Variants in SLC2A13 observed in about 807,000 individuals in gnomAD.
SLC2A13 encodes the protein solute carrier family 2 member 13, also known as proton myo-inositol cotransporter.
A neutral mutation model predicts 64.4 loss-of-function variants in SLC2A13; 32 were observed. The observed-to-expected ratio is 0.50, with a 90% CI of 0.37 to 0.67. The LOEUF (loss-of-function observed/expected upper bound fraction) is 0.67, where lower values mean the gene tolerates loss of function less well. Among genes scored for constraint, SLC2A13 ranks in the 30% least tolerant of loss-of-function variants. The pLI, the probability that SLC2A13 is intolerant of heterozygous loss-of-function variation, is 0.00. For synonymous variants in SLC2A13, 338 were observed against 327.1 expected, an observed-to-expected ratio of 1.03 and a Z score of -0.36; for missense variants, 743 against 829.2, an observed-to-expected ratio of 0.90 and a Z score of 1.28.
At chr12:39,933,720 G>A (rs57535237) in intron 4 of SLC2A13, among the ~76,000 whole-genome samples, 19,832 of 152,182 alleles carry the variant, frequency 0.13, 1,357 homozygotes, top group South Asian at 0.24. Flanking sequence ...TAGATATGAG[G>A]AGTACAGATA....
chr12:40,042,696 G>A (rs1383030611), intron 2 of SLC2A13, among the ~76,000 whole-genome samples: 1 of 152,030 alleles, frequency 6.6e-6, no homozygotes, highest in Non-Finnish European at 1.5e-5. Context: ...ACTATGTTCT[G>A]CGCCCTTCCT....
rs1945272968 is a variant in SLC2A13 at position 39,906,135 on chromosome 12, TG to T, written c.1035-34175del. Among the ~76,000 whole-genome samples, 6 of 986 alleles carry T rather than the reference TG, an allele frequency of 6.1e-3. No individual in the cohort carries two copies. The South Asian group carries it at 0.21, about 34-fold the overall frequency. 0.6% of individuals were successfully genotyped at this position (986 alleles called of 152,430 possible). A position where few individuals can be genotyped will look rare whatever the true frequency, so the allele number is the denominator to read the frequency against. ...TCTAATTCTTGCAGATACAGAACTT[TG>T]AACTTTGTTTTCAACTGAGTTCATC... On this transcript the variant is annotated intron_variant, in intron 4 of 9. Transcript: ENST00000280871.
At chr12:39,871,500 T>C (rs1236371465) in intron 5 of SLC2A13, among the ~76,000 whole-genome samples, 1 of 151,926 alleles carries the variant, frequency 6.6e-6, no homozygotes, top group Non-Finnish European at 1.5e-5. Context: ...AAAAAACAAT[T>C]ATTTTTTTTC....
At position 39,764,611 on chromosome 12, in the gene SLC2A13, T is replaced by A; in HGVS notation, c.1569A>T (p.Gly523=). The A allele has an allele frequency of 1.3e-6, 2 of 1,586,984 alleles. No homozygotes were observed. The highest frequency in any genetic ancestry group is 1.7e-6 in the Non-Finnish European group (2 of 1,171,840). ...TCACAGTCCAAGGCATTGGTCCCAT[T>A]CCTGAGAAATAAAACATTAAAAACT... ...LILYLVFFAP[G]MGPMPWTVNS... The change falls in exon 9 of 10, where the codon GGA becomes GGT. Residue 523 remains glycine, a splice_region_variant and synonymous_variant. Coordinates refer to ENST00000280871, the MANE Select transcript of SLC2A13 (RefSeq NM_052885.4).
intron 3 of SLC2A13, among the ~76,000 whole-genome samples, chr12:39,997,320 A>C (rs1055544876): frequency 6.6e-6 from 1 of 152,198 alleles, no homozygotes; most frequent in Non-Finnish European, 1.5e-5. Flanking sequence ...TCCTGAAATA[A>C]TTGGCTAGCC....
rs774864576 is a variant in SLC2A13, at chr12:40,105,674, G to C, written c.135C>G (p.Ala45=). Residue 45 remains alanine, a synonymous_variant, in exon 1 of 10, where the codon GCC becomes GCG. Transcript: ENST00000280871. The surrounding 1 kb of genome is among the most constrained non-coding windows in gnomAD (Gnocchi z 4.2). Reference sequence around the variant, plus strand: ...CGCTCTGCAGGCTGGTGCTCGATTCGGCGGCAGCCAGGAGGCTGCACTCCC... The same window carrying C: ...CGCTCTGCAGGCTGGTGCTCGATTCCGCGGCAGCCAGGAGGCTGCACTCCC... The part of the protein sequence containing the change: ...AAGECSLLAA[A]ESSTSLQSAG... The C allele has an allele frequency of 2.0e-6, 3 of 1,490,890 alleles. No homozygotes were observed. The highest frequency in any genetic ancestry group is 4.7e-5 in the Admixed American group (2 of 42,160). The allele number at this position is 1,490,890 out of a possible 1,614,324, so 92.4% of individuals were successfully genotyped here. A position where few individuals can be genotyped will look rare whatever the true frequency, so the allele number is the denominator to read the frequency against.
At position 39,975,348 on chromosome 12, in the gene SLC2A13, A is replaced by G. The variant is rs1946740546; in HGVS notation, c.926-23983T>C. Among the ~76,000 whole-genome samples the G allele has an allele frequency of 2.0e-5, 3 of 152,378 alleles. No individual in the cohort carries two copies. In the South Asian group the frequency reaches 6.2e-4, roughly 32 times the overall value. On this transcript the variant is annotated intron_variant, in intron 3 of 9. Transcript: ENST00000280871. ...TCTTCCCTAATAGTAGACCAACTAAATATTTTAACTACGTACATTCTTTTA... is the reference window on the plus strand; with the variant it reads ...TCTTCCCTAATAGTAGACCAACTAAGTATTTTAACTACGTACATTCTTTTA...
At chr12:39,808,667 TTTAATGA>T (rs1942052174) in intron 7 of SLC2A13, among the ~76,000 whole-genome samples, 1 of 152,198 alleles carries the variant, frequency 6.6e-6, no homozygotes, top group Non-Finnish European at 1.5e-5. Context: ...TTTGCATTTC[TTTAATGA>T]TTAATAATGT....
intron 6 of SLC2A13, among the ~76,000 whole-genome samples, chr12:39,839,067 C>T (rs1943107522): frequency 6.6e-6 from 1 of 152,028 alleles, no homozygotes; most frequent in South Asian, 2.1e-4. Context: ...CTATTTTGTG[C>T]AATAATGTCA....
intron 6 of SLC2A13, among the ~76,000 whole-genome samples, chr12:39,841,252 G>C (rs915508689): frequency 6.6e-6 from 1 of 152,114 alleles, no homozygotes; most frequent in Non-Finnish European, 1.5e-5. Flanking sequence ...CTAGTAGCCA[G>C]AATGGTTTTT....
intron 1 of SLC2A13, among the ~76,000 whole-genome samples, chr12:40,103,436 C>T (rs1035703905): frequency 6.6e-6 from 1 of 152,198 alleles, no homozygotes; most frequent in Admixed American, 6.5e-5. Context: ...TTCTACGTTG[C>T]TTTTGCCCCA....
chr12:39,896,204 A>G lies in SLC2A13; in HGVS notation c.1035-24243T>C, dbSNP rs115790109. Among the ~76,000 whole-genome samples the G allele has an allele frequency of 7.6e-3, 1,125 of 148,568 alleles. 19 individuals carry two copies. The highest frequency in any genetic ancestry group is 0.026 in the African/African-American group (1,067 of 40,800). On this transcript the variant is annotated intron_variant, in intron 4 of 9. Transcript: ENST00000280871. ...TATATATGTATATATGTGTATGTATACATGTATATACGTATACATATATGC... is the reference window on the plus strand; with the variant it reads ...TATATATGTATATATGTGTATGTATGCATGTATATACGTATACATATATGC...
chr12:40,046,301 C>A (rs1405238400), intron 2 of SLC2A13, among the ~76,000 whole-genome samples: 1 of 152,176 alleles, frequency 6.6e-6, no homozygotes, highest in Non-Finnish European at 1.5e-5. Context: ...TGTCCCAACA[C>A]CTCCGCTTTT....
chr12:40,033,260 ATAAT>A (rs1334030198), intron 2 of SLC2A13, among the ~76,000 whole-genome samples: 1 of 152,246 alleles, frequency 6.6e-6, no homozygotes, highest in Non-Finnish European at 1.5e-5. Flanking sequence ...TAATTACTTG[ATAAT>A]TAATTCTGTA....
At chr12:39,948,270 C>T (rs1206694053) in intron 4 of SLC2A13, among the ~76,000 whole-genome samples, 10 of 151,812 alleles carry the variant, frequency 6.6e-5, no homozygotes, top group African/African-American at 9.7e-5. Flanking sequence ...GTCCTCCATT[C>T]GGTAGGGTAG....
At chr12:40,065,300 G>A (rs1461846395) in intron 1 of SLC2A13, among the ~76,000 whole-genome samples, 1 of 152,132 alleles carries the variant, frequency 6.6e-6, no homozygotes, top group Non-Finnish European at 1.5e-5. Context: ...ATTGTTGCCA[G>A]GCATGGTGGC....
chr12:39,927,059 G>A (rs1473001293), intron 4 of SLC2A13, among the ~76,000 whole-genome samples: 3 of 152,182 alleles, frequency 2.0e-5, no homozygotes, highest in African/African-American at 7.2e-5. Flanking sequence ...CAGAACTAAA[G>A]CATTTAGTTT....
chr12:39,858,448 G>GA (rs201262209), intron 6 of SLC2A13, among the ~76,000 whole-genome samples: 16 of 150,056 alleles, frequency 1.1e-4, no homozygotes, highest in Admixed American at 3.3e-4. Flanking sequence ...AAATTAGTAA[G>GA]AAAAAAAAAT....
chr12:39,885,650 T>A (rs796973393), intron 4 of SLC2A13, among the ~76,000 whole-genome samples: 65 of 152,258 alleles, frequency 4.3e-4, no homozygotes, highest in African/African-American at 1.5e-3. Context: ...TACATAGGAA[T>A]TCTTGTCCTC....
Sources: gnomAD v4.1 joint callset for allele counts (sites outside exome capture counted in the v4.1 genomes callset) on GRCh38, gnomAD v4.1.1 for gene constraint, Gnocchi (gnomAD v3.1) non-coding constraint, MANE v1.5 for transcripts, NCBI Gene and HGNC (gene_info 2026-07-23, HGNC 2026-07-21) for gene names.